RTN4RL1: variants seen among roughly 807,000 people sequenced by gnomAD.
RTN4RL1 encodes the protein reticulon-4 receptor-like 1.
RTN4RL1 carries 7 observed loss-of-function variants against 25.6 expected under a neutral mutation model. That is an observed-to-expected ratio of 0.27 (90% CI 0.16 to 0.51). The LOEUF is 0.51. Among genes scored for constraint, RTN4RL1 ranks in the 20% least tolerant of loss-of-function variants. The pLI is 0.97. For synonymous variants in RTN4RL1, 297 were observed against 288.2 expected, an observed-to-expected ratio of 1.03 and a Z score of -0.31; for missense variants, 500 against 615.6, an observed-to-expected ratio of 0.81 and a Z score of 1.99.
chr17:1,959,008 C>G (rs945395385), intron 1 of RTN4RL1, among the ~76,000 whole-genome samples: 1 of 152,220 alleles, frequency 6.6e-6, no homozygotes, highest in Non-Finnish European at 1.5e-5. Flanking sequence ...AGGGAAAAGA[C>G]GCGGAGGGTG....
Position 1,994,754 on chromosome 17 carries a change from T to C in RTN4RL1, c.13+30099A>G, listed in dbSNP as rs549425627. ...TTTCCTTCTCTAGGAAAGGGGATAA[T>C]ACACGCTTGCGTTGGGGGAAAGGTG... On this transcript the variant is annotated intron_variant, in intron 1 of 1. Coordinates refer to ENST00000331238, the MANE Select transcript of RTN4RL1 (RefSeq NM_178568.4). The surrounding 1 kb of genome is among the most constrained non-coding windows in gnomAD (Gnocchi z 4.3). Among the ~76,000 whole-genome samples, 1 of 152,214 alleles carries C rather than the reference T, an allele frequency of 6.6e-6. No homozygotes were observed. The highest frequency in any genetic ancestry group is 2.1e-4 in the South Asian group (1 of 4,814).
chr17:1,989,962 A>C (rs1338585853), intron 1 of RTN4RL1, among the ~76,000 whole-genome samples: 1 of 152,162 alleles, frequency 6.6e-6, no homozygotes, highest in African/African-American at 2.4e-5. Flanking sequence ...CTCTACAAAA[A>C]AAAACAAAAC....
At chr17:2,013,331 T>G (rs1196589840) in intron 1 of RTN4RL1, among the ~76,000 whole-genome samples, 1 of 152,150 alleles carries the variant, frequency 6.6e-6, no homozygotes, top group African/African-American at 2.4e-5. Context: ...TGGCAGGGGC[T>G]GTGTAGCAGA....
intron 1 of RTN4RL1, among the ~76,000 whole-genome samples, chr17:1,979,882 T>C (rs1007384582): frequency 6.6e-6 from 1 of 152,004 alleles, no homozygotes; most frequent in African/African-American, 2.4e-5. Context: ...AGACCCGGAA[T>C]TGCGTGGAGA....
intron 1 of RTN4RL1, among the ~76,000 whole-genome samples, chr17:1,950,274 C>T (rs1057372498): frequency 6.6e-5 from 10 of 151,650 alleles, no homozygotes; most frequent in Admixed American, 2.0e-4. Context: ...GGATGGGGCC[C>T]GACAGGACAC....
At chr17:2,011,186 G>A (rs1234533028) in intron 1 of RTN4RL1, among the ~76,000 whole-genome samples, 1 of 152,172 alleles carries the variant, frequency 6.6e-6, no homozygotes, top group African/African-American at 2.4e-5. Flanking sequence ...GGGAGGCGGA[G>A]GTTGCTGTGA....
intron 1 of RTN4RL1, among the ~76,000 whole-genome samples, chr17:2,002,434 A>C (rs1352059916): frequency 6.7e-6 from 1 of 150,310 alleles, no homozygotes; most frequent in African/African-American, 2.5e-5. Context: ...CTGGGACTAC[A>C]GGCGCCCGCC....
chr17:1,939,937 C>A (rs949295120), intron 1 of RTN4RL1, among the ~76,000 whole-genome samples: 3 of 152,206 alleles, frequency 2.0e-5, no homozygotes, highest in Non-Finnish European at 2.9e-5. Flanking sequence ...GCCGGGGCAC[C>A]CAGGGCAGCT....
At position 2,025,097 on chromosome 17, in the gene RTN4RL1, C is replaced by CGCTTGCTCAGCCCCGGGGCGAGCG; in HGVS notation, c.-256_-233dup. 1 of 384,170 alleles carries CGCTTGCTCAGCCCCGGGGCGAGCG rather than the reference C, an allele frequency of 2.6e-6. No individual in the cohort carries two copies. The highest frequency in any genetic ancestry group is 4.6e-6 in the Non-Finnish European group (1 of 216,666). The allele number at this position is 384,170 out of a possible 1,614,324, so 23.8% of individuals were successfully genotyped here. A position where few individuals can be genotyped will look rare whatever the true frequency, so the allele number is the denominator to read the frequency against. On this transcript the variant is annotated 5_prime_UTR_variant, in exon 1 of 2. Coordinates refer to ENST00000331238, the MANE Select transcript of RTN4RL1 (RefSeq NM_178568.4). The surrounding 1 kb of genome is among the most constrained non-coding windows in gnomAD (Gnocchi z 4.8). ...CGTGGTGCTGCCCGGCAGCCCCGCG[C>CGCTTGCTCAGCCCCGGGGCGAGCG]GCTTGCTCAGCCCCGGGGCGAGCGG... is the stretch of plus-strand genomic sequence containing the variant.
intron 1 of RTN4RL1, among the ~76,000 whole-genome samples, chr17:2,000,735 G>A (rs1252952180): frequency 1.3e-5 from 2 of 151,994 alleles, no homozygotes; most frequent in African/African-American, 2.4e-5. Context: ...GGCCAGGCTG[G>A]TCTTGAACTC....
Position 1,980,926 on chromosome 17 carries a change from C to CAAAAAAAAAA in RTN4RL1, c.14-43128_14-43119dup, listed in dbSNP as rs71723916. ...TGGGCCACAGAGTGAGATTCTATCT[C>CAAAAAAAAAA]AAAAAAAAAAAAAAAAAAAAGAAGT... On this transcript the variant is annotated intron_variant, in intron 1 of 1. Coordinates refer to ENST00000331238, the MANE Select transcript of RTN4RL1 (RefSeq NM_178568.4). 4.3e-3 allele frequency among the ~76,000 whole-genome samples: 378 copies of CAAAAAAAAAA among 86,966 alleles called. 4 individuals carry two copies. The highest frequency in any genetic ancestry group is 0.017 in the Middle Eastern group (2 of 120). 57.1% of individuals were successfully genotyped at this position (86,966 alleles called of 152,430 possible). A position where few individuals can be genotyped will look rare whatever the true frequency, so the allele number is the denominator to read the frequency against.
intron 1 of RTN4RL1, among the ~76,000 whole-genome samples, chr17:1,973,501 G>A (rs55815618): frequency 2.1e-5 from 3 of 146,290 alleles, no homozygotes; most frequent in African/African-American, 5.0e-5. Context: ...GTGGGCAACA[G>A]AACAAGACTC....
chr17:2,014,725 G>A (rs924621147), intron 1 of RTN4RL1, among the ~76,000 whole-genome samples: 4 of 152,078 alleles, frequency 2.6e-5, no homozygotes, highest in Non-Finnish European at 5.9e-5. Flanking sequence ...CCAGCTACTC[G>A]GGAGGCTGAG....
chr17:1,980,272 T>A lies in RTN4RL1; in HGVS notation c.14-42464A>T, dbSNP rs980508448. 2.0e-5 allele frequency among the ~76,000 whole-genome samples: 3 copies of A among 150,082 alleles called. No homozygotes were observed. In the Admixed American group the frequency reaches 2.0e-4, roughly 10 times the overall value. On this transcript the variant is annotated intron_variant, in intron 1 of 1. Coordinates refer to ENST00000331238, the MANE Select transcript of RTN4RL1 (RefSeq NM_178568.4). ...TTTTAGTAGAGACAGGACCTCACTA[T>A]GTTGCCCAGCCTGGTTTGGAACTCC...
intron 1 of RTN4RL1, among the ~76,000 whole-genome samples, chr17:2,001,999 A>G (rs1423202463): frequency 2.9e-5 from 3 of 102,808 alleles, no homozygotes; most frequent in Non-Finnish European, 6.2e-5. Context: ...CTTTTTGCTT[A>G]AAGGATTTTT....
chr17:1,962,660 T>C (rs891927059), intron 1 of RTN4RL1, among the ~76,000 whole-genome samples: 2 of 151,326 alleles, frequency 1.3e-5, no homozygotes, highest in Admixed American at 6.6e-5. Context: ...AGGTCAGGAG[T>C]TCGAGATCAG....
intron 1 of RTN4RL1, among the ~76,000 whole-genome samples, chr17:1,945,285 C>T (rs1199835096): frequency 6.6e-5 from 10 of 152,304 alleles, no homozygotes; most frequent in East Asian, 1.9e-4. Flanking sequence ...TGCAGTGGCA[C>T]GATCTCAGCT....
chr17:1,992,479 T>C (rs904565746), intron 1 of RTN4RL1, among the ~76,000 whole-genome samples: 46 of 152,058 alleles, frequency 3.0e-4, no homozygotes, highest in Non-Finnish European at 3.4e-4. Flanking sequence ...CCTCCCCCAG[T>C]TGGGGCTAAG....
At position 1,953,300 on chromosome 17, in the gene RTN4RL1, G is replaced by T. The variant is rs192736906; in HGVS notation, c.14-15492C>A. ...ATGCACCTGTAGTCCCAGCTACTCA[G>T]GAGGCTGAGGCGGGAAGATCACTTG... On this transcript the variant is annotated intron_variant, in intron 1 of 1. Transcript: ENST00000331238. Among the ~76,000 whole-genome samples the T allele has an allele frequency of 5.5e-4, 83 of 152,100 alleles. 1 individual carries two copies. The highest frequency in any genetic ancestry group is 3.4e-3 in the Middle Eastern group (1 of 294).
Sources: gnomAD v4.1 joint callset for allele counts (sites outside exome capture counted in the v4.1 genomes callset) on GRCh38, gnomAD v4.1.1 for gene constraint, Gnocchi (gnomAD v3.1) non-coding constraint, MANE v1.5 for transcripts, NCBI Gene and HGNC (gene_info 2026-07-23, HGNC 2026-07-21) for gene names.